The following UNC80 variants were observed in gnomAD, a reference collection of about 807,000 sequenced individuals.
UNC80 encodes the protein unc-80 subunit of NALCN channel complex.
Under a neutral mutation model 384.6 loss-of-function variants are expected in UNC80, and 164 were observed. That is an observed-to-expected ratio of 0.43 (90% CI 0.38 to 0.49). The LOEUF is 0.49. UNC80 is among the 20% of genes least tolerant of loss of function. UNC80 has a pLI of 0.00. For synonymous variants in UNC80, 1,486 were observed against 1,527.8 expected (o/e 0.97, Z 0.64); for missense variants, 3,330 against 4,143.0 (o/e 0.80, Z 5.39).
Position 209,817,855 on chromosome 2 carries a change from GGA to G in UNC80, c.1600_1601del (p.Leu535GlufsTer59). 1 of 1,551,636 alleles carries G rather than the reference GGA, an allele frequency of 6.4e-7. No individual in the cohort carries two copies. The highest frequency in any genetic ancestry group is 8.7e-7 in the Non-Finnish European group (1 of 1,146,980). ...GCAGTTCAGATGCAGCCACTGAGATGGAGAGTCTGAGCGCCAGGCATTCCCAC... is the reference window on the plus strand; with the variant it reads ...GCAGTTCAGATGCAGCCACTGAGATGGAGTCTGAGCGCCAGGCATTCCCAC... ...RGSSDAATEMESLSARHSHSH... is the reference protein window; with the variant it reads ...RGSSDAATEMXSLSARHSHSH... On this transcript the variant is annotated frameshift_variant, in exon 11 of 65. Coordinates refer to ENST00000673920, the MANE Select transcript of UNC80 (RefSeq NM_001371986.1). LOFTEE classifies it high-confidence loss of function.
intron 51 of UNC80, among the ~76,000 whole-genome samples, chr2:209,962,267 G>A (rs1457836803): frequency 6.6e-6 from 1 of 152,120 alleles, no homozygotes; most frequent in African/African-American, 2.4e-5. Context: ...GACTTGCTTT[G>A]AGGAAAAGGG....
At chr2:209,801,986 A>T (rs1042171717) in intron 7 of UNC80, among the ~76,000 whole-genome samples, 4 of 152,320 alleles carry the variant, frequency 2.6e-5, no homozygotes, top group South Asian at 2.1e-4. Flanking sequence ...TGAAATTTTG[A>T]TAGCAATTTT....
At chr2:209,806,921 T>C (rs959565420) in intron 7 of UNC80, among the ~76,000 whole-genome samples, 1 of 152,200 alleles carries the variant, frequency 6.6e-6, no homozygotes, top group African/African-American at 2.4e-5. Context: ...CCGGAGTGCT[T>C]ATCTGCCTTC....
chr2:209,823,519 C>T (rs2080286847), intron 13 of UNC80, among the ~76,000 whole-genome samples: 2 of 152,100 alleles, frequency 1.3e-5, no homozygotes, highest in Non-Finnish European at 2.9e-5. Flanking sequence ...CTTTCGGAAC[C>T]ACTCACCAAA....
At position 209,872,027 on chromosome 2, in the gene UNC80, GAGTCTC is replaced by G. The variant is rs1384934989; in HGVS notation, c.3628-729_3628-724del. On this transcript the variant is annotated intron_variant, in intron 22 of 64. Coordinates refer to ENST00000673920, the MANE Select transcript of UNC80 (RefSeq NM_001371986.1). The surrounding 1 kb of genome is among the most constrained non-coding windows in gnomAD (Gnocchi z 4.1). ...GAGCTTCCTTTTCTTTTTTGAGGTG[GAGTCTC>G]ACTCTGTCTCCCAGGCTGGAGTGCA... 2.9e-4 allele frequency among the ~76,000 whole-genome samples: 44 copies of G among 151,500 alleles called. No individual in the cohort carries two copies. The highest frequency in any genetic ancestry group is 2.8e-3 in the Admixed American group (42 of 15,222).
intron 51 of UNC80, among the ~76,000 whole-genome samples, chr2:209,964,266 T>TATC (rs60510216): frequency 0.35 from 53,331 of 151,756 alleles, 10,446 homozygotes; most frequent in African/African-American, 0.54. Flanking sequence ...GAACAACTAA[T>TATC]ATAAAAAGAG....
chr2:209,912,809 G>C, intron 30 of UNC80, 142 bp downstream of exon 30: 1 of 585,968 alleles, frequency 1.7e-6, no homozygotes, highest in East Asian at 3.1e-5. Flanking sequence ...GAGCAAGAGT[G>C]CCACCAAGTG....
chr2:209,825,704 G>A (rs967300104), intron 13 of UNC80, among the ~76,000 whole-genome samples: 2 of 152,122 alleles, frequency 1.3e-5, no homozygotes, highest in African/African-American at 4.8e-5. Context: ...TTCAAAATAC[G>A]TAGATTTTTT....
At chr2:209,982,418 C>A in intron 60 of UNC80, 101 bp downstream of exon 60, 1 of 1,351,442 alleles carries the variant, frequency 7.4e-7, no homozygotes, top group East Asian at 2.7e-5. Context: ...GAGAAGCAAG[C>A]AATGGTAATG....
chr2:209,963,078 G>C (rs939845189), intron 51 of UNC80, among the ~76,000 whole-genome samples: 3 of 152,248 alleles, frequency 2.0e-5, no homozygotes, highest in Admixed American at 2.0e-4. Flanking sequence ...AGAATGTATG[G>C]TTGATTACAA....
chr2:209,979,121 C>T (rs2093090127), intron 59 of UNC80, among the ~76,000 whole-genome samples: 1 of 152,034 alleles, frequency 6.6e-6, no homozygotes, highest in Admixed American at 6.5e-5. Context: ...TGTTGGTGTG[C>T]ACCTCCAGTC....
intron 52 of UNC80, chr2:209,968,143 T>C (rs1181482146): frequency 6.5e-6 from 1 of 153,746 alleles, no homozygotes; most frequent in Non-Finnish European, 1.4e-5. Context: ...TTTTACCTAA[T>C]TCAGTGTGGT....
chr2:209,923,510 C>T (rs2090198440), intron 35 of UNC80, among the ~76,000 whole-genome samples: 1 of 152,126 alleles, frequency 6.6e-6, no homozygotes, highest in Non-Finnish European at 1.5e-5. Flanking sequence ...TGTCAAAAAG[C>T]AATTGAACAT....
At chr2:209,813,880 C>T (rs1452648640) in intron 8 of UNC80, 39 bp downstream of exon 8, 1 of 1,539,580 alleles carries the variant, frequency 6.5e-7, no homozygotes, top group East Asian at 2.5e-5. Context: ...AAACCAGCAA[C>T]TTTGCCATAA....
chr2:209,882,156 C>T (rs542604081), intron 25 of UNC80, among the ~76,000 whole-genome samples: 16 of 151,830 alleles, frequency 1.1e-4, no homozygotes, highest in African/African-American at 3.4e-4. Flanking sequence ...TCAGTAGAGA[C>T]GGGGTTTCAC....
intron 33 of UNC80, 121 bp from the exon 34 acceptor site, chr2:209,921,379 G>T: frequency 1.0e-6 from 1 of 972,232 alleles, no homozygotes; most frequent in South Asian, 2.3e-5. Flanking sequence ...CTGGATCATG[G>T]GTATCCTAAC....
At chr2:209,810,710 G>A (rs1306602137) in intron 7 of UNC80, among the ~76,000 whole-genome samples, 1 of 152,198 alleles carries the variant, frequency 6.6e-6, no homozygotes. Context: ...GTGGGGCAGA[G>A]GGTAACGGGT....
intron 31 of UNC80, among the ~76,000 whole-genome samples, chr2:209,914,407 G>A (rs1245899176): frequency 6.6e-6 from 1 of 152,152 alleles, no homozygotes; most frequent in East Asian, 1.9e-4. Flanking sequence ...GAGGCAAAAT[G>A]TGTATTCTTC....
intron 49 of UNC80, among the ~76,000 whole-genome samples, chr2:209,958,853 A>G (rs1239498137): frequency 6.6e-6 from 1 of 152,226 alleles, no homozygotes; most frequent in South Asian, 2.1e-4. Context: ...GCTATATTCT[A>G]TGAGTTTGTA....
Sources: gnomAD v4.1 joint callset for allele counts (sites outside exome capture counted in the v4.1 genomes callset) on GRCh38, gnomAD v4.1.1 for gene constraint, Gnocchi (gnomAD v3.1) non-coding constraint, MANE v1.5 for transcripts, NCBI Gene and HGNC (gene_info 2026-07-23, HGNC 2026-07-21) for gene names.